The following PCSK5 variants were observed in gnomAD, a reference collection of about 807,000 sequenced individuals.
The protein encoded by PCSK5 is proprotein convertase subtilisin/kexin type 5.
A neutral mutation model predicts 233.2 loss-of-function variants in PCSK5; 129 were observed. The ratio of observed to expected loss-of-function variants is 0.55; its 90% CI spans 0.48 to 0.64. The LOEUF (loss-of-function observed/expected upper bound fraction) is 0.64, where lower values mean the gene tolerates loss of function less well. PCSK5 is among the 30% of genes least tolerant of loss of function. The pLI is 0.00. For missense variants in PCSK5, 2,076 were observed against 2,430.1 expected (o/e 0.85, Z 3.06); for synonymous variants, 825 against 879.2 (o/e 0.94, Z 1.09).
At chr9:76,264,971 G>A (rs1363842166) in intron 24 of PCSK5, among the ~76,000 whole-genome samples, 1 of 152,026 alleles carries the variant, frequency 6.6e-6, no homozygotes, top group African/African-American at 2.4e-5. Flanking sequence ...GTTTATCACA[G>A]CACTATTCAC....
rs184053647 is a variant in PCSK5 at position 76,248,461 on chromosome 9, T to G, written c.3142+7777T>G. ...ATAGAATAAAAGGGAAAGCTCTTTTTTACAGAAACAGTTCAGCTGTCATGT... is the reference window on the plus strand; with the variant it reads ...ATAGAATAAAAGGGAAAGCTCTTTTGTACAGAAACAGTTCAGCTGTCATGT... On this transcript the variant is annotated intron_variant, in intron 24 of 37. Transcript: ENST00000674117. 2.9e-3 allele frequency among the ~76,000 whole-genome samples: 448 copies of G among 152,248 alleles called. 2 individuals carry two copies. Among genetic ancestry groups the G allele is most frequent in the Middle Eastern group, 0.01 (3 of 292 alleles).
At chr9:75,942,636 T>C (rs761589691) in intron 2 of PCSK5, among the ~76,000 whole-genome samples, 11 of 152,186 alleles carry the variant, frequency 7.2e-5, no homozygotes, top group Non-Finnish European at 1.2e-4. Flanking sequence ...TTCTGCTTTA[T>C]CCGGTTTTTC....
intron 20 of PCSK5, chr9:76,194,052 G>GTAGA (rs1554704341): frequency 6.6e-6 from 1 of 152,370 alleles, no homozygotes; most frequent in East Asian, 1.9e-4. Flanking sequence ...CTTTTCCATT[G>GTAGA]TAGATTGGGT....
rs539893113 is a variant in PCSK5, at chr9:75,924,191, TCTTTC to T, written c.193-8184_193-8180del. ...TATCTGAAATCATAGAGATTATACATCTTTCCTTGAGCACCCTGATTTAAAAATAT... is the reference window on the plus strand; with the variant it reads ...TATCTGAAATCATAGAGATTATACATCTTGAGCACCCTGATTTAAAAATAT... On this transcript the variant is annotated intron_variant, in intron 1 of 37. Coordinates refer to ENST00000674117, the MANE Select transcript of PCSK5 (RefSeq NM_001372043.1). Among the ~76,000 whole-genome samples, 259 of 152,230 alleles carry T rather than the reference TCTTTC, an allele frequency of 1.7e-3. 1 individual carries two copies. The highest frequency in any genetic ancestry group is 3.4e-3 in the Middle Eastern group (1 of 294).
At chr9:75,957,980 T>G (rs557958705) in intron 2 of PCSK5, among the ~76,000 whole-genome samples, 2 of 152,284 alleles carry the variant, frequency 1.3e-5, no homozygotes, top group East Asian at 3.9e-4. Context: ...TACCTGAGAA[T>G]GATGGTTTAT....
intron 22 of PCSK5, among the ~76,000 whole-genome samples, chr9:76,238,242 TA>T (rs1826312319): frequency 6.6e-6 from 1 of 152,248 alleles, no homozygotes. Context: ...CCTTTGTAAC[TA>T]ATTGTGATGC....
intron 1 of PCSK5, among the ~76,000 whole-genome samples, chr9:75,917,149 A>G (rs115011029): frequency 0.024 from 3,566 of 148,764 alleles, 143 homozygotes; most frequent in African/African-American, 0.083. Flanking sequence ...ATCCTGGGCA[A>G]CGAAGAGAGA....
In PCSK5 at chr9:76,358,838, C is replaced by A; in HGVS notation, c.5580C>A (p.Tyr1860Ter). 6.2e-7 allele frequency: 1 copy of A among 1,612,822 alleles called. No individual in the cohort carries two copies. The highest frequency in any genetic ancestry group is 1.3e-5 in the African/African-American group (1 of 75,018). The change falls in exon 38 of 38, where the codon TAC becomes TAA. Residue 1860 changes from tyrosine (Y) to a stop codon, truncating the protein, a stop_gained. Transcript: ENST00000674117. LOFTEE classifies it high-confidence loss of function. ...ACATGGGCCAGGATGGCACAGTCTACCGGAAATTTAAATATGGGCTGCTGG... is the reference window on the plus strand; with the variant it reads ...ACATGGGCCAGGATGGCACAGTCTAACGGAAATTTAAATATGGGCTGCTGG... ...IVYMGQDGTV[Y>*]RKFKYGLLDD...
chr9:76,222,636 G>A lies in PCSK5; in HGVS notation c.2627-4867G>A, dbSNP rs554400550. 7.2e-5 allele frequency among the ~76,000 whole-genome samples: 11 copies of A among 152,284 alleles called. No homozygotes were observed. The South Asian group carries it at 2.3e-3, about 32-fold the overall frequency. ...ACTGGCTTATTTCATTTAGCATAGTGTCTTCAAGGTTCATCCATGTTGTAG... is the reference window on the plus strand; with the variant it reads ...ACTGGCTTATTTCATTTAGCATAGTATCTTCAAGGTTCATCCATGTTGTAG... On this transcript the variant is annotated intron_variant, in intron 20 of 37. Transcript: ENST00000674117.
rs551236490 is a variant in PCSK5 at position 76,171,933 on chromosome 9, G to A, written c.1756+2093G>A. On this transcript the variant is annotated intron_variant, in intron 13 of 37. Coordinates refer to ENST00000674117, the MANE Select transcript of PCSK5 (RefSeq NM_001372043.1). ...GACTTTGAGTGTCCTGTTTATGGGT[G>A]GGGGGGTGTGTGTGTGTATGTGCAT... Among the ~76,000 whole-genome samples the A allele has an allele frequency of 4.4e-4, 66 of 151,270 alleles. 1 individual carries two copies. The highest frequency in any genetic ancestry group is 1.1e-3 in the Admixed American group (17 of 15,244).
intron 1 of PCSK5, among the ~76,000 whole-genome samples, chr9:75,915,801 G>A (rs1008391580): frequency 9.9e-5 from 15 of 152,246 alleles, no homozygotes; most frequent in African/African-American, 3.6e-4. Flanking sequence ...TAGAAATGTT[G>A]CAGTGATTCT....
intron 5 of PCSK5, among the ~76,000 whole-genome samples, chr9:76,028,831 A>G (rs1347316361): frequency 6.6e-6 from 1 of 152,126 alleles, no homozygotes; most frequent in Non-Finnish European, 1.5e-5. Flanking sequence ...CATGAGCTGA[A>G]TTTCTTCCCA....
chr9:76,257,971 G>A (rs570064915), intron 24 of PCSK5, among the ~76,000 whole-genome samples: 1 of 152,212 alleles, frequency 6.6e-6, no homozygotes, highest in East Asian at 1.9e-4. Context: ...CCATTATTAG[G>A]TGAGACAAGT....
intron 2 of PCSK5, among the ~76,000 whole-genome samples, chr9:75,970,703 C>G (rs1289931671): frequency 1.3e-5 from 2 of 152,070 alleles, no homozygotes; most frequent in Non-Finnish European, 2.9e-5. Flanking sequence ...TTCACTGCAA[C>G]CTCCACCTCC....
Position 76,323,202 on chromosome 9 carries a change from A to C in PCSK5, c.4253A>C (p.Glu1418Ala), listed in dbSNP as rs1829260912. 4 of 1,612,686 alleles carry C rather than the reference A, an allele frequency of 2.5e-6. No individual in the cohort carries two copies. The highest frequency in any genetic ancestry group is 2.5e-6 in the Non-Finnish European group (3 of 1,179,830). Residue 1418 changes from glutamate to alanine, a missense_variant, in exon 32 of 38, where the codon GAG (glutamate) becomes GCG (alanine). By Grantham distance (107) the Glu-to-Ala change is moderately radical (BLOSUM62 -1). Around this residue, in one of 6 missense-constraint regions of PCSK5, gnomAD observed 1,510 missense variants for 1,538.1 expected, o/e 0.98. Coordinates refer to ENST00000674117, the MANE Select transcript of PCSK5 (RefSeq NM_001372043.1). ...GCCGACGACTGCGAGCTCTGTCTTGAGAGTTCCTGGGTCCTCTATGATGGA... is the reference window on the plus strand; with the variant it reads ...GCCGACGACTGCGAGCTCTGTCTTGCGAGTTCCTGGGTCCTCTATGATGGA... ...PKADDCELCL[E>A]SSWVLYDGLC...
Position 76,362,696 on chromosome 9 carries a change from C to T in PCSK5, c.*3774C>T, listed in dbSNP as rs145103742. ...CGCCCTGGGCCTGGCAGTTAAAGATCGACCTCTGACCTAACCGGTTATGTT... is the reference window on the plus strand; with the variant it reads ...CGCCCTGGGCCTGGCAGTTAAAGATTGACCTCTGACCTAACCGGTTATGTT... On this transcript the variant is annotated 3_prime_UTR_variant, in exon 38 of 38. Transcript: ENST00000674117. 2.0e-5 allele frequency among the ~76,000 whole-genome samples: 3 copies of T among 152,342 alleles called. No homozygotes were observed. Among genetic ancestry groups the T allele is most frequent in the African/African-American group, 7.2e-5 (3 of 41,584 alleles).
chr9:76,278,084 C>T (rs994504955), intron 24 of PCSK5, among the ~76,000 whole-genome samples: 6 of 152,156 alleles, frequency 3.9e-5, no homozygotes, highest in Non-Finnish European at 8.8e-5. Flanking sequence ...GACATCTCAA[C>T]AGGGGTGGAC....
intron 5 of PCSK5, among the ~76,000 whole-genome samples, chr9:76,037,725 C>T (rs746134496): frequency 6.6e-6 from 1 of 152,164 alleles, no homozygotes; most frequent in Non-Finnish European, 1.5e-5. Context: ...CAGAAACCTC[C>T]TCTTACCCTA....
At chr9:76,048,374 GT>G (rs1554678531) in intron 5 of PCSK5, among the ~76,000 whole-genome samples, 1 of 152,146 alleles carries the variant, frequency 6.6e-6, no homozygotes, top group Non-Finnish European at 1.5e-5. Context: ...ATGGTATCCT[GT>G]TAGAAGGAGC....
Sources: allele counts gnomAD v4.1 joint callset (sites outside exome capture counted in the v4.1 genomes callset), GRCh38; gene constraint gnomAD v4.1.1; regional missense constraint gnomAD v4.1.1; transcripts MANE v1.5; gene names NCBI Gene and HGNC (gene_info 2026-07-23, HGNC 2026-07-21).